Variants in C5orf24 observed in about 807,000 individuals in gnomAD.
The protein encoded by C5orf24 is chromosome 5 open reading frame 24, also known as UPF0461 protein C5orf24.
In C5orf24, 4 loss-of-function variants were observed where a neutral mutation model predicts 9.8. The observed-to-expected ratio is 0.41, with a 90% CI of 0.20 to 0.93. The LOEUF (loss-of-function observed/expected upper bound fraction) is 0.93, where lower values mean the gene tolerates loss of function less well. C5orf24 is among the 40% of genes least tolerant of loss of function. C5orf24 has a pLI of 0.33. For synonymous variants in C5orf24, 73 were observed against 81.3 expected (o/e 0.90, Z 0.55); for missense variants, 170 against 236.9 (o/e 0.72, Z 1.85).
chr5:134,837,276 TTATC>T, the C5orf24 span, among the ~76,000 whole-genome samples: 1 of 152,184 alleles, frequency 6.6e-6, no homozygotes, highest in African/African-American at 2.4e-5. Flanking sequence ...CCTGGCCACT[TTATC>T]TGTTTTTTCA....
rs1224072255 is a variant in C5orf24 at position 134,858,322 on chromosome 5, G to A, written c.*2855G>A. ...GAGAAAGACATCTAAGTGATAACAT[G>A]AATGAAGTCTTAAAATTTAAAGTAT... On this transcript the variant is annotated 3_prime_UTR_variant, in exon 2 of 2. Transcript: ENST00000394976. 6.0e-6 allele frequency: 1 copy of A among 167,012 alleles called. No individual in the cohort carries two copies. The highest frequency in any genetic ancestry group is 1.9e-4 in the East Asian group (1 of 5,202). 10.3% of individuals were successfully genotyped at this position (167,012 alleles called of 1,614,324 possible). A position where few individuals can be genotyped will look rare whatever the true frequency, so the allele number is the denominator to read the frequency against.
intron 1 of C5orf24, among the ~76,000 whole-genome samples, chr5:134,850,939 C>T (rs867028397): frequency 0.02 from 2,660 of 133,282 alleles, 59 homozygotes; most frequent in African/African-American, 0.058. Flanking sequence ...TATATATATA[C>T]ACACACACAC....
At chr5:134,845,223 TG>T (rs1755961319), upstream of C5orf24, among the ~76,000 whole-genome samples, 4 of 152,348 alleles carry the variant, frequency 2.6e-5, no homozygotes, top group South Asian at 8.3e-4. Context: ...GGCTCAGGGC[TG>T]TGCTTATGGT....
intron 1 of C5orf24, among the ~76,000 whole-genome samples, chr5:134,850,937 T>TATATACACACAC (rs762710710): frequency 0.013 from 1,914 of 147,026 alleles, 42 homozygotes; most frequent in African/African-American, 0.045. Context: ...TATATATATA[T>TATATACACACAC]ACACACACAC....
At chr5:134,849,291 C>G (rs781331691) in intron 1 of C5orf24, among the ~76,000 whole-genome samples, 1 of 151,958 alleles carries the variant, frequency 6.6e-6, no homozygotes, top group Non-Finnish European at 1.5e-5. Flanking sequence ...ATAGTTAGCT[C>G]GGAAGTGGGA....
At chr5:134,848,201 C>G (rs1756049297) in intron 1 of C5orf24, among the ~76,000 whole-genome samples, 1 of 151,898 alleles carries the variant, frequency 6.6e-6, no homozygotes, top group African/African-American at 2.4e-5. Flanking sequence ...GTCCCAGCTA[C>G]TCGGGAAGCT....
At chr5:134,847,496 A>G (rs1463307207) in intron 1 of C5orf24, among the ~76,000 whole-genome samples, 6 of 152,160 alleles carry the variant, frequency 3.9e-5, no homozygotes, top group Non-Finnish European at 4.4e-5. Flanking sequence ...GTGTTTAACC[A>G]TGTTGACCAG....
Position 134,856,211 on chromosome 5 carries a change from C to G in C5orf24, c.*744C>G, listed in dbSNP as rs1409656578. The G allele has an allele frequency of 1.0e-6, 1 of 993,068 alleles. No homozygotes were observed. Among genetic ancestry groups the G allele is most frequent in the Non-Finnish European group, 1.2e-6 (1 of 823,622 alleles). 61.5% of individuals were successfully genotyped at this position (993,068 alleles called of 1,614,324 possible). On this transcript the variant is annotated 3_prime_UTR_variant, in exon 2 of 2. Transcript: ENST00000394976. ...AATTTAAACTATTTTATAAAAACTG[C>G]ACATTACATTTTTGGTGAAATATAG...
chr5:134,854,366 T>C (rs1250060773), intron 1 of C5orf24, among the ~76,000 whole-genome samples: 1 of 152,212 alleles, frequency 6.6e-6, no homozygotes, highest in Non-Finnish European at 1.5e-5. Flanking sequence ...GTGTAACATA[T>C]ACTCAGGGTT....
At chr5:134,843,356 A>G (rs543509433), upstream of C5orf24, among the ~76,000 whole-genome samples, 73 of 152,346 alleles carry the variant, frequency 4.8e-4, no homozygotes, top group Middle Eastern at 0.01. Context: ...GTATGAGCTT[A>G]AAATATTTTA....
chr5:134,852,376 A>G (rs1580842891), intron 1 of C5orf24, among the ~76,000 whole-genome samples: 1 of 152,296 alleles, frequency 6.6e-6, no homozygotes, highest in South Asian at 2.1e-4. Flanking sequence ...CACTGTAGAT[A>G]TTTTTCCATC....
the C5orf24 span, among the ~76,000 whole-genome samples, chr5:134,839,834 C>T: frequency 3.7e-4 from 57 of 152,008 alleles, no homozygotes; most frequent in Non-Finnish European, 6.9e-4. Context: ...ATTACAGGTG[C>T]GTGCCACCAT....
upstream of C5orf24, among the ~76,000 whole-genome samples, chr5:134,841,843 A>G (rs771832926): frequency 6.6e-6 from 1 of 152,122 alleles, no homozygotes; most frequent in Non-Finnish European, 1.5e-5. Context: ...CATAGTGGAG[A>G]TTAGTTATAA....
intron 1 of C5orf24, among the ~76,000 whole-genome samples, chr5:134,853,585 C>T (rs1260638422): frequency 6.9e-6 from 1 of 144,468 alleles, no homozygotes; most frequent in East Asian, 2.0e-4. Context: ...CTATGCTGCC[C>T]AGGCTTGTTT....
At chr5:134,840,132 C>G in the C5orf24 span, among the ~76,000 whole-genome samples, 2 of 151,944 alleles carry the variant, frequency 1.3e-5, no homozygotes, top group Non-Finnish European at 2.9e-5. Flanking sequence ...AATGGTGAAA[C>G]TCCATCTCTA....
chr5:134,855,005 T>G lies in C5orf24; in HGVS notation c.105T>G (p.Tyr35Ter). Residue 35 changes from tyrosine to a stop codon, truncating the protein, a stop_gained, in exon 2 of 2, where the codon TAT becomes TAG. Transcript: ENST00000394976. LOFTEE classifies it high-confidence loss of function. Reference protein sequence around the residue: ...AMRAADQFDIYSSQQSKYSHT... With the variant: ...AMRAADQFDI ...GAGCTGCTGATCAGTTTGACATATA[T>G]TCCTCCCAGCAAAGCAAATACAGCC... 6.2e-7 allele frequency: 1 copy of G among 1,614,122 alleles called. No individual in the cohort carries two copies. Among genetic ancestry groups the G allele is most frequent in the Non-Finnish European group, 8.5e-7 (1 of 1,180,026 alleles).
the C5orf24 span, among the ~76,000 whole-genome samples, chr5:134,838,649 C>T: frequency 7.4e-4 from 113 of 152,028 alleles, 1 homozygote; most frequent in African/African-American, 2.7e-3. Context: ...CTCAAACAAA[C>T]AAATAAAAGT....
Position 134,857,533 on chromosome 5 carries a change from A to G in C5orf24, c.*2066A>G. On this transcript the variant is annotated 3_prime_UTR_variant, in exon 2 of 2. Coordinates refer to ENST00000394976, the MANE Select transcript of C5orf24 (RefSeq NM_001135586.1). ...CACAAACCATAGAGAACGATGTTGG[A>G]TGGTTACATAATCAGTTATAACATT... 1.7e-6 allele frequency: 2 copies of G among 1,145,454 alleles called. No individual in the cohort carries two copies. The highest frequency in any genetic ancestry group is 3.1e-5 in the South Asian group (1 of 32,594). 71.0% of individuals were successfully genotyped at this position (1,145,454 alleles called of 1,614,324 possible).
chr5:134,857,268 TA>T lies in C5orf24; in HGVS notation c.*1805del. Reference sequence around the variant, plus strand: ...AAAACTTTTAAAATAATTAAAATTTTAAAAGAGCACATGTTGTGTTTTTTGG... The same window carrying T: ...AAAACTTTTAAAATAATTAAAATTTTAAAGAGCACATGTTGTGTTTTTTGG... On this transcript the variant is annotated 3_prime_UTR_variant, in exon 2 of 2. Transcript: ENST00000394976. The T allele has an allele frequency of 7.2e-7, 1 of 1,388,648 alleles. No homozygotes were observed. Among genetic ancestry groups the T allele is most frequent in the South Asian group, 1.8e-5 (1 of 56,130 alleles). 86.0% of individuals were successfully genotyped at this position (1,388,648 alleles called of 1,614,324 possible).
Sources: allele counts gnomAD v4.1 joint callset (sites outside exome capture counted in the v4.1 genomes callset), GRCh38; gene constraint gnomAD v4.1.1; transcripts MANE v1.5; gene names NCBI Gene and HGNC (gene_info 2026-07-23, HGNC 2026-07-21).